GSE1: variants seen among roughly 807,000 people sequenced by gnomAD.
GSE1 encodes genetic suppressor element 1.
GSE1 carries 32 observed loss-of-function variants against 112.6 expected under a neutral mutation model. The observed-to-expected ratio is 0.28, with a 90% CI of 0.21 to 0.38. The LOEUF (loss-of-function observed/expected upper bound fraction) is 0.38. GSE1 is among the 10% of genes least tolerant of loss of function. The probability of loss-of-function intolerance (pLI) is 1.00; values close to 1 mark genes in which losing one functional copy is unlikely to be tolerated. For synonymous variants in GSE1, 1,115 were observed against 735.6 expected (o/e 1.52, Z -8.35); for missense variants, 2,348 against 1,699.2 (o/e 1.38, Z -6.71).
At chr16:85,637,342 C>T (rs563153811) in intron 2 of GSE1, among the ~76,000 whole-genome samples, 181 of 152,350 alleles carry the variant, frequency 1.2e-3, no homozygotes, top group African/African-American at 4.2e-3. Context: ...TCCTGCTTCT[C>T]GTGGCTGGAC....
chr16:85,366,950 T>C (rs1597499562), intron 2 of GSE1, among the ~76,000 whole-genome samples: 1 of 152,096 alleles, frequency 6.6e-6, no homozygotes, highest in Non-Finnish European at 1.5e-5. Flanking sequence ...GAGCTTAGGG[T>C]GGGGTGTCCC....
Position 85,657,371 on chromosome 16 carries a change from C to T in GSE1, c.1407C>T (p.Ile469=), listed in dbSNP as rs766619054. Residue 469 remains isoleucine (I), a synonymous_variant, in exon 8 of 16, where the codon ATC becomes ATT. Coordinates refer to ENST00000253458, the MANE Select transcript of GSE1 (RefSeq NM_014615.5). ...CACACCACACGGTGCCCAGCCTCAT[C>T]TCCAACCATGGCATCTTCTCTCTGC... The part of the protein sequence containing the change: ...PTPHHTVPSL[I]SNHGIFSLPS... 61 of 1,612,502 alleles carry T rather than the reference C, an allele frequency of 3.8e-5. No individual in the cohort carries two copies. The highest frequency in any genetic ancestry group is 5.2e-5 in the Non-Finnish European group (61 of 1,179,872).
intron 2 of GSE1, among the ~76,000 whole-genome samples, chr16:85,420,845 C>A (rs2048825084): frequency 6.6e-6 from 1 of 152,148 alleles, no homozygotes; most frequent in Admixed American, 6.5e-5. Context: ...CAGCCTGGAG[C>A]TGCAGTGCCG....
At chr16:85,409,206 A>T (rs1567746386) in intron 2 of GSE1, among the ~76,000 whole-genome samples, 1 of 37,668 alleles carries the variant, frequency 2.7e-5, no homozygotes, top group Non-Finnish European at 4.9e-5. Flanking sequence ...CGTTACACTC[A>T]GGGCCCCCCG....
rs1283799977 is a variant in GSE1 at position 85,177,234 on chromosome 16, C to T, written c.2283+5427C>T. ...TCGGCAAAGCTTCCTGGTTCCTCCT[C>T]TGCTTAGATCTCTCAGGATCTCACC... On this transcript the variant is annotated intron_variant, in intron 1 of 2. Transcript: ENST00000637419. 3.3e-5 allele frequency among the ~76,000 whole-genome samples: 5 copies of T among 152,224 alleles called. No individual in the cohort carries two copies. The East Asian group carries it at 9.6e-4, about 29-fold the overall frequency.
At chr16:85,397,721 T>A (rs1183592250) in intron 2 of GSE1, among the ~76,000 whole-genome samples, 1 of 152,194 alleles carries the variant, frequency 6.6e-6, no homozygotes, top group Non-Finnish European at 1.5e-5. Flanking sequence ...TGCATCGCCT[T>A]TGCCCCGCTT....
chr16:85,637,029 T>C (rs569610554), intron 2 of GSE1, among the ~76,000 whole-genome samples: 10 of 152,334 alleles, frequency 6.6e-5, no homozygotes, highest in African/African-American at 2.4e-4. Flanking sequence ...TTATTTAAAA[T>C]TTTTTTAGTT....
chr16:85,213,471 C>T (rs2075260287), intron 1 of GSE1, among the ~76,000 whole-genome samples: 1 of 152,052 alleles, frequency 6.6e-6, no homozygotes, highest in Admixed American at 6.5e-5. Flanking sequence ...AAAGAACAGC[C>T]CCTCACCCCC....
chr16:85,562,698 C>G (rs1432696436), intron 1 of GSE1, among the ~76,000 whole-genome samples: 2 of 152,238 alleles, frequency 1.3e-5, no homozygotes, highest in African/African-American at 4.8e-5. Context: ...GCTTGCCCAT[C>G]TTCCTCCTGG....
chr16:85,200,286 C>T (rs1380288643), intron 1 of GSE1, among the ~76,000 whole-genome samples: 2 of 151,944 alleles, frequency 1.3e-5, no homozygotes, highest in Non-Finnish European at 1.5e-5. Context: ...GGATGTTTTT[C>T]CTATCTCCCA....
chr16:85,252,987 G>A (rs1051446324), intron 1 of GSE1, among the ~76,000 whole-genome samples: 1 of 150,334 alleles, frequency 6.7e-6, no homozygotes, highest in African/African-American at 2.4e-5. Flanking sequence ...CCCTGCCCTC[G>A]GCAGCCCCTA....
At chr16:85,535,114 A>C (rs1214323318) in intron 2 of GSE1, among the ~76,000 whole-genome samples, 1 of 152,186 alleles carries the variant, frequency 6.6e-6, no homozygotes, top group Non-Finnish European at 1.5e-5. Context: ...AATGAGACCC[A>C]GCCCCGGCCC....
chr16:85,274,299 C>T (rs1909143957), intron 1 of GSE1, among the ~76,000 whole-genome samples: 1 of 152,032 alleles, frequency 6.6e-6, no homozygotes, highest in Non-Finnish European at 1.5e-5. Context: ...GCAGGAGAAT[C>T]GCTTGAACCT....
At chr16:85,635,362 C>A (rs976015016) in intron 2 of GSE1, among the ~76,000 whole-genome samples, 1 of 152,178 alleles carries the variant, frequency 6.6e-6, no homozygotes, top group African/African-American at 2.4e-5. Flanking sequence ...GCCAGAAAAC[C>A]CTCCACGCCC....
chr16:85,666,527 T>A (rs1212737499), intron 13 of GSE1, 180 bp downstream of exon 13: 12 of 646,864 alleles, frequency 1.9e-5, no homozygotes, highest in Non-Finnish European at 3.2e-5. Context: ...ATCTCCAAGC[T>A]CTAAAACCTG....
intron 1 of GSE1, among the ~76,000 whole-genome samples, chr16:85,181,467 C>A (rs1320978606): frequency 6.6e-6 from 1 of 152,198 alleles, no homozygotes; most frequent in Non-Finnish European, 1.5e-5. Flanking sequence ...GCGATGCAGC[C>A]CTGGTGGGGG....
At chr16:85,203,321 G>A (rs906307539) in intron 1 of GSE1, among the ~76,000 whole-genome samples, 1 of 152,192 alleles carries the variant, frequency 6.6e-6, no homozygotes, top group Non-Finnish European at 1.5e-5. Flanking sequence ...GGTGAAGCAG[G>A]CACACCTGTG....
chr16:85,670,887 T>C, intron 14 of GSE1, 108 bp from the exon 15 acceptor site: 1 of 708,708 alleles, frequency 1.4e-6, no homozygotes, highest in Non-Finnish European at 2.6e-6. Context: ...CTGGCTGCAC[T>C]GGAGAGAGGT....
At chr16:85,228,271 TG>T (rs1274223819) in intron 1 of GSE1, among the ~76,000 whole-genome samples, 2 of 152,178 alleles carry the variant, frequency 1.3e-5, no homozygotes, top group Non-Finnish European at 2.9e-5. Context: ...GCGACGGGTT[TG>T]TTTGGTTTTC....
Sources: allele counts gnomAD v4.1 joint callset (sites outside exome capture counted in the v4.1 genomes callset), GRCh38; gene constraint gnomAD v4.1.1; transcripts MANE v1.5; gene names NCBI Gene and HGNC (gene_info 2026-07-23, HGNC 2026-07-21).